Variants in CNTNAP2 observed in about 807,000 individuals in gnomAD.
CNTNAP2 encodes contactin-associated protein-like 2.
In CNTNAP2, 98 loss-of-function variants were observed where a neutral mutation model predicts 155.2. The observed-to-expected ratio is 0.63, with a 90% CI of 0.54 to 0.75. The LOEUF (loss-of-function observed/expected upper bound fraction) is 0.75. CNTNAP2 is among the 30% of genes least tolerant of loss of function. CNTNAP2 has a pLI of 0.00. For synonymous variants in CNTNAP2, 651 were observed against 631.2 expected, an observed-to-expected ratio of 1.03 and a Z score of -0.47; for missense variants, 1,727 against 1,688.1, an observed-to-expected ratio of 1.02 and a Z score of -0.40.
intron 15 of CNTNAP2, among the ~76,000 whole-genome samples, chr7:148,081,264 G>A (rs1803598123): frequency 6.6e-6 from 1 of 152,150 alleles, no homozygotes; most frequent in Non-Finnish European, 1.5e-5. Context: ...TTCATGGAGG[G>A]TGTGATAGTT....
chr7:148,138,321 G>T (rs747915123), intron 16 of CNTNAP2, among the ~76,000 whole-genome samples: 5 of 152,146 alleles, frequency 3.3e-5, no homozygotes, highest in Non-Finnish European at 5.9e-5. Flanking sequence ...CTTCAGCTTG[G>T]TCTGTGTTGA....
rs934489375 is a variant in CNTNAP2 at position 148,106,505 on chromosome 7, T to G, written c.2384-11613T>G. ...CTGCACACTTTGAGATATATATATA[T>G]ATATATATATATATACATATTTTTT... is the stretch of plus-strand genomic sequence containing the variant. On this transcript the variant is annotated intron_variant, in intron 15 of 23. Coordinates refer to ENST00000361727, the MANE Select transcript of CNTNAP2 (RefSeq NM_014141.6). Among the ~76,000 whole-genome samples the G allele has an allele frequency of 3.9e-4, 55 of 139,778 alleles. 1 individual carries two copies. The highest frequency in any genetic ancestry group is 1.2e-3 in the African/African-American group (41 of 32,992). 91.7% of individuals were successfully genotyped at this position (139,778 alleles called of 152,430 possible).
chr7:147,444,555 C>T (rs1469094521), intron 10 of CNTNAP2, among the ~76,000 whole-genome samples: 2 of 140,458 alleles, frequency 1.4e-5, no homozygotes, highest in Non-Finnish European at 3.0e-5. Context: ...TAGCATCATT[C>T]CCCTTAGTCA....
intron 1 of CNTNAP2, among the ~76,000 whole-genome samples, chr7:146,511,079 T>A (rs1797458739): frequency 1.3e-5 from 2 of 152,056 alleles, no homozygotes; most frequent in Non-Finnish European, 2.9e-5. Flanking sequence ...GTATTTTTTT[T>A]AGTAGAGACA....
rs569266214 is a variant in CNTNAP2 at position 147,871,046 on chromosome 7, C to T, written c.2099-32519C>T. ...AAGAAGGTGTTTGGAGTAATTATGGCCCCTCGGTCACCCATGAACTCAGAC... is the reference window on the plus strand; with the variant it reads ...AAGAAGGTGTTTGGAGTAATTATGGTCCCTCGGTCACCCATGAACTCAGAC... On this transcript the variant is annotated intron_variant, in intron 13 of 23. Transcript: ENST00000361727. Among the ~76,000 whole-genome samples the T allele has an allele frequency of 3.3e-5, 5 of 152,262 alleles. No homozygotes were observed. In the South Asian group the frequency reaches 8.3e-4, roughly 25 times the overall value.
At chr7:147,582,378 A>T (rs1800518990) in intron 12 of CNTNAP2, among the ~76,000 whole-genome samples, 1 of 152,120 alleles carries the variant, frequency 6.6e-6, no homozygotes, top group South Asian at 2.1e-4. Flanking sequence ...TATAAGGGGG[A>T]TGAGAGGCAG....
chr7:147,903,521 G>T, intron 13 of CNTNAP2, 44 bp from the exon 14 acceptor site: 1 of 1,610,340 alleles, frequency 6.2e-7, no homozygotes. Flanking sequence ...TCTAATGACT[G>T]AACCCAGGTC....
intron 22 of CNTNAP2, among the ~76,000 whole-genome samples, chr7:148,402,074 A>T (rs1209156527): frequency 2.6e-5 from 4 of 152,246 alleles, no homozygotes; most frequent in Non-Finnish European, 5.9e-5. Flanking sequence ...TTGCCCACTC[A>T]GTCCTTTCAT....
At chr7:147,828,592 A>G (rs1026352927) in intron 13 of CNTNAP2, among the ~76,000 whole-genome samples, 1 of 152,178 alleles carries the variant, frequency 6.6e-6, no homozygotes, top group Non-Finnish European at 1.5e-5. Flanking sequence ...GCCTCTGACA[A>G]CATCTGGCAT....
At chr7:146,597,238 T>G (rs1798875836) in intron 1 of CNTNAP2, among the ~76,000 whole-genome samples, 1 of 152,030 alleles carries the variant, frequency 6.6e-6, no homozygotes, top group Non-Finnish European at 1.5e-5. Context: ...ATCATAGAAT[T>G]GTAGATTTGG....
At chr7:146,564,877 G>A (rs1379953241) in intron 1 of CNTNAP2, among the ~76,000 whole-genome samples, 2 of 151,890 alleles carry the variant, frequency 1.3e-5, no homozygotes, top group African/African-American at 4.8e-5. Flanking sequence ...AACCCCATAA[G>A]CAAAGTATGA....
chr7:146,371,171 T>A (rs995018141), intron 1 of CNTNAP2, among the ~76,000 whole-genome samples: 4 of 152,088 alleles, frequency 2.6e-5, no homozygotes, highest in African/African-American at 9.6e-5. Context: ...GCATCTGCTA[T>A]TTCATCTTTT....
chr7:147,992,087 CTTTT>C (rs36015914), intron 15 of CNTNAP2, among the ~76,000 whole-genome samples: 1 of 72,772 alleles, frequency 1.4e-5, no homozygotes, highest in Non-Finnish European at 2.4e-5. Context: ...ATTACTACCT[CTTTT>C]TTTTTTTTTT....
intron 13 of CNTNAP2, among the ~76,000 whole-genome samples, chr7:147,773,273 A>T (rs1797503522): frequency 6.6e-6 from 1 of 152,218 alleles, no homozygotes; most frequent in African/African-American, 2.4e-5. Context: ...ACAAGAGCCC[A>T]TCTGAGATTT....
intron 1 of CNTNAP2, among the ~76,000 whole-genome samples, chr7:146,303,999 T>C (rs1041907116): frequency 6.6e-6 from 1 of 152,222 alleles, no homozygotes; most frequent in Admixed American, 6.5e-5. Flanking sequence ...TCTTGTTGAA[T>C]TGATCCCTTT....
chr7:146,165,520 T>C (rs886186231), intron 1 of CNTNAP2, among the ~76,000 whole-genome samples: 8 of 152,228 alleles, frequency 5.3e-5, no homozygotes, highest in African/African-American at 1.9e-4. Flanking sequence ...CTCTTGATTA[T>C]TAAAAGCTAA....
At chr7:148,193,363 A>G (rs1795229715) in intron 18 of CNTNAP2, among the ~76,000 whole-genome samples, 1 of 152,268 alleles carries the variant, frequency 6.6e-6, no homozygotes, top group African/African-American at 2.4e-5. Flanking sequence ...CATATATGTT[A>G]AAATTTCTTT....
intron 21 of CNTNAP2, among the ~76,000 whole-genome samples, chr7:148,343,156 A>G (rs1177924): frequency 0.34 from 51,820 of 152,052 alleles, 9,400 homozygotes; most frequent in Non-Finnish European, 0.41. Flanking sequence ...TCTGTTCCCA[A>G]TTTCGTAACC....
chr7:147,548,759 A>G (rs1799792150), intron 11 of CNTNAP2, among the ~76,000 whole-genome samples: 1 of 152,178 alleles, frequency 6.6e-6, no homozygotes, highest in African/African-American at 2.4e-5. Flanking sequence ...TTAAGTCTTT[A>G]GTCCATCTTG....
Sources: allele counts gnomAD v4.1 joint callset (sites outside exome capture counted in the v4.1 genomes callset), GRCh38; gene constraint gnomAD v4.1.1; transcripts MANE v1.5; gene names NCBI Gene and HGNC (gene_info 2026-07-23, HGNC 2026-07-21).